GLOD4: variants seen among roughly 807,000 people sequenced by gnomAD.
The protein encoded by GLOD4 is glyoxalase domain containing 4.
GLOD4 carries 44 observed loss-of-function variants against 39.1 expected under a neutral mutation model. The observed-to-expected ratio is 1.13, with a 90% confidence interval of 0.88 to 1.45. The LOEUF (loss-of-function observed/expected upper bound fraction) is 1.45, where lower values mean the gene tolerates loss of function less well. GLOD4 is among the 40% of genes most tolerant of loss of function. The pLI, the probability that GLOD4 is intolerant of heterozygous loss-of-function variation, is 0.00. For synonymous variants in GLOD4, 145 were observed against 135.0 expected (o/e 1.07, Z -0.52); for missense variants, 405 against 366.4 (o/e 1.11, Z -0.86).
At chr17:779,458 C>T (rs1909505251) in intron 1 of GLOD4, among the ~76,000 whole-genome samples, 1 of 150,156 alleles carries the variant, frequency 6.7e-6, no homozygotes, top group Non-Finnish European at 1.5e-5. Context: ...AGTGAAACCC[C>T]ATCTCTACTA....
At position 769,875 on chromosome 17, in the gene GLOD4, C is replaced by T; in HGVS notation, c.825G>A (p.Leu275=). ...SKMDPEGSKL[L]DDAMAADKSD... ...ATGTAGAAATGGGACTCACATCATC[C>T]AACAATTTGCTTCCCTCTGGATCCA... Residue 275 remains leucine, a synonymous_variant, in exon 8 of 9, where the codon TTG becomes TTA. Transcript: ENST00000301329. 3 of 1,577,150 alleles carry T rather than the reference C, an allele frequency of 1.9e-6. No individual in the cohort carries two copies. The highest frequency in any genetic ancestry group is 1.7e-6 in the Non-Finnish European group (2 of 1,146,296).
At chr17:764,331 A>C (rs949341343) in intron 8 of GLOD4, 12 of 152,244 alleles carry the variant, frequency 7.9e-5, no homozygotes, top group African/African-American at 2.7e-4. Context: ...TGCACCAATG[A>C]AACCATTTCG....
At chr17:761,512 T>C (rs189084342) in intron 8 of GLOD4, among the ~76,000 whole-genome samples, 1 of 152,202 alleles carries the variant, frequency 6.6e-6, no homozygotes, top group Non-Finnish European at 1.5e-5. Context: ...GAAAGCTTTT[T>C]TTCTTTTTTG....
chr17:782,349 T>G (rs1265098287), upstream of GLOD4: 2 of 1,612,920 alleles, frequency 1.2e-6, no homozygotes, highest in Admixed American at 1.7e-5. Context: ...GACGGCGCGC[T>G]TTCGTGACGC....
Position 760,092 on chromosome 17 carries a change from G to A in GLOD4, c.*81C>T. 1.2e-6 allele frequency: 1 copy of A among 815,378 alleles called. No individual in the cohort carries two copies. The highest frequency in any genetic ancestry group is 2.2e-6 in the Non-Finnish European group (1 of 457,736). 50.5% of individuals were successfully genotyped at this position (815,378 alleles called of 1,614,324 possible). A position where few individuals can be genotyped will look rare whatever the true frequency, so the allele number is the denominator to read the frequency against. On this transcript the variant is annotated 3_prime_UTR_variant, in exon 9 of 9. Transcript: ENST00000301329. ...CCTGTACGGGAAACAAATCAGAAGA[G>A]CATTTATTGGGAACTGACACGTCAG...
chr17:765,489 C>T (rs1906354215), intron 8 of GLOD4, among the ~76,000 whole-genome samples: 1 of 150,024 alleles, frequency 6.7e-6, no homozygotes, highest in South Asian at 2.2e-4. Flanking sequence ...TGGGATGAGA[C>T]ACAGAAAGAG....
At position 780,095 on chromosome 17, in the gene GLOD4, C is replaced by T. The variant is rs375028084; in HGVS notation, c.91-1351G>A. Among the ~76,000 whole-genome samples the T allele has an allele frequency of 5.3e-5, 8 of 152,114 alleles. No individual in the cohort carries two copies. The East Asian group carries it at 1.2e-3, about 22-fold the overall frequency. ...AGGAGAATGGTGTGAACCCAGGAGGCGGAGCTTGCAGTGAGCCGAGATTGC... is the reference window on the plus strand; with the variant it reads ...AGGAGAATGGTGTGAACCCAGGAGGTGGAGCTTGCAGTGAGCCGAGATTGC... On this transcript the variant is annotated intron_variant, in intron 1 of 8. Coordinates refer to ENST00000301329, the MANE Select transcript of GLOD4 (RefSeq NM_016080.4).
At chr17:783,272 G>C, upstream of GLOD4, 1 of 1,613,530 alleles carries the variant, frequency 6.2e-7, no homozygotes, top group Non-Finnish European at 8.5e-7. Flanking sequence ...TCATTAAGGT[G>C]AAATTTGAGG....
At chr17:762,171 T>G (rs901004825) in intron 8 of GLOD4, among the ~76,000 whole-genome samples, 1 of 152,252 alleles carries the variant, frequency 6.6e-6, no homozygotes, top group African/African-American at 2.4e-5. Flanking sequence ...CTCACAGCTC[T>G]TGGTGACTAA....
In GLOD4 at chr17:769,957, T is replaced by C. The variant is rs1907636860; in HGVS notation, c.745-2A>G. The C allele has an allele frequency of 6.2e-7, 1 of 1,603,766 alleles. No individual in the cohort carries two copies. Among genetic ancestry groups the C allele is most frequent in the Non-Finnish European group, 8.5e-7 (1 of 1,170,520 alleles). On this transcript the variant is annotated splice_acceptor_variant, in intron 7 of 8. Coordinates refer to ENST00000301329, the MANE Select transcript of GLOD4 (RefSeq NM_016080.4). LOFTEE classifies it high-confidence loss of function. ...GACAAAGCAAATTTCATGTCCGTCC[T>C]ACACCAATAAAGAGAAAAGACACCT...
chr17:775,108 A>C (rs1908670617), intron 4 of GLOD4, among the ~76,000 whole-genome samples: 1 of 139,684 alleles, frequency 7.2e-6, no homozygotes, highest in African/African-American at 2.8e-5. Flanking sequence ...AAAAATACTA[A>C]AAAAAAAAAA....
At chr17:761,369 C>G (rs1423219217) in intron 8 of GLOD4, among the ~76,000 whole-genome samples, 1 of 152,018 alleles carries the variant, frequency 6.6e-6, no homozygotes, top group Admixed American at 6.6e-5. Flanking sequence ...GATTTATTAT[C>G]TTGATGAAAA....
At chr17:762,973 G>A (rs192193967) in intron 8 of GLOD4, among the ~76,000 whole-genome samples, 2,060 of 151,982 alleles carry the variant, frequency 0.014, 46 homozygotes, top group African/African-American at 0.047. Flanking sequence ...TCAGGAGATC[G>A]AGACCATCCT....
upstream of GLOD4, among the ~76,000 whole-genome samples, chr17:785,363 TAA>T (rs1267324701): frequency 2.0e-5 from 3 of 152,200 alleles, no homozygotes; most frequent in African/African-American, 7.2e-5. Context: ...ATTCTTTCCA[TAA>T]AACTTTAGAG....
chr17:783,305 C>A (rs1465643876), upstream of GLOD4: 2 of 1,612,380 alleles, frequency 1.2e-6, no homozygotes, highest in South Asian at 2.2e-5. Context: ...GGTCCGACCT[C>A]GTAACGCCAC....
At position 769,947 on chromosome 17, in the gene GLOD4, A is replaced by G; in HGVS notation, c.753T>C (p.His251=). 2 of 1,609,096 alleles carry G rather than the reference A, an allele frequency of 1.2e-6. No individual in the cohort carries two copies. Among genetic ancestry groups the G allele is most frequent in the South Asian group, 1.1e-5 (1 of 90,998 alleles). Residue 251 remains histidine, a synonymous_variant, in exon 8 of 9, where the codon CAT becomes CAC. Transcript: ENST00000301329. ...QVVILADPDG[H]EICFVGDEAF... ...CTTCATCCCCGACAAAGCAAATTTC[A>G]TGTCCGTCCTACACCAATAAAGAGA...
At chr17:772,016 A>C (rs1203958250) in intron 4 of GLOD4, among the ~76,000 whole-genome samples, 1 of 69,686 alleles carries the variant, frequency 1.4e-5, no homozygotes, top group Non-Finnish European at 4.5e-5. Flanking sequence ...TCTGTCTCAA[A>C]AAAAAAAAAA....
upstream of GLOD4, chr17:782,362 C>T (rs1269634134): frequency 1.2e-6 from 2 of 1,613,260 alleles, no homozygotes; most frequent in Admixed American, 1.7e-5. Flanking sequence ...CGTGACGCAG[C>T]CCGGGTCTCA....
chr17:782,897 A>T (rs1211593224), upstream of GLOD4, among the ~76,000 whole-genome samples: 1 of 152,196 alleles, frequency 6.6e-6, no homozygotes, highest in Non-Finnish European at 1.5e-5. Context: ...CATGTTAGCC[A>T]GGCTGATCTG....
Sources: allele counts gnomAD v4.1 joint callset (sites outside exome capture counted in the v4.1 genomes callset), GRCh38; gene constraint gnomAD v4.1.1; transcripts MANE v1.5; gene names NCBI Gene and HGNC (gene_info 2026-07-23, HGNC 2026-07-21).